The following CADM1 variants were observed in gnomAD, a reference collection of about 807,000 sequenced individuals.
The protein encoded by CADM1 is cell adhesion molecule 1.
A neutral mutation model predicts 53.1 loss-of-function variants in CADM1; 15 were observed. The observed-to-expected ratio is 0.28, with a 90% confidence interval of 0.19 to 0.44. The LOEUF is 0.44. Ranked by LOEUF, CADM1 falls within the 20% of genes least tolerant of loss-of-function variation. The pLI is 1.00. For missense variants in CADM1, 434 were observed against 611.3 expected, an observed-to-expected ratio of 0.71 and a Z score of 3.06; for synonymous variants, 281 against 243.0, an observed-to-expected ratio of 1.16 and a Z score of -1.45.
At chr11:115,280,604 A>G (rs146076366) in intron 1 of CADM1, among the ~76,000 whole-genome samples, 149 of 152,258 alleles carry the variant, frequency 9.8e-4, no homozygotes, top group African/African-American at 3.4e-3. Flanking sequence ...AAATTACAGC[A>G]CTCTGAATAC....
intron 1 of CADM1, among the ~76,000 whole-genome samples, chr11:115,419,561 G>T (rs1947701744): frequency 6.6e-6 from 1 of 152,028 alleles, no homozygotes; most frequent in African/African-American, 2.4e-5. Context: ...GTTTGCAAAA[G>T]TCTCCCAGTT....
At chr11:115,419,408 A>G (rs1947697642) in intron 1 of CADM1, among the ~76,000 whole-genome samples, 1 of 152,206 alleles carries the variant, frequency 6.6e-6, no homozygotes, top group Non-Finnish European at 1.5e-5. Context: ...TTCTTTAAAA[A>G]TCCAAAAAGT....
At chr11:115,339,116 A>G (rs931214579) in intron 1 of CADM1, among the ~76,000 whole-genome samples, 4 of 139,260 alleles carry the variant, frequency 2.9e-5, no homozygotes, top group African/African-American at 1.1e-4. Context: ...TCATTGTTCA[A>G]TTCCCACCTA....
intron 1 of CADM1, among the ~76,000 whole-genome samples, chr11:115,441,994 G>T (rs890896941): frequency 6.6e-6 from 1 of 151,894 alleles, no homozygotes; most frequent in Admixed American, 6.6e-5. Context: ...GATGCATTAC[G>T]ATCTGATCCC....
At chr11:115,243,978 A>G (rs996789835) in intron 1 of CADM1, among the ~76,000 whole-genome samples, 2 of 152,212 alleles carry the variant, frequency 1.3e-5, no homozygotes, top group African/African-American at 4.8e-5. Flanking sequence ...GCATTTATAG[A>G]CTAATCGGTG....
chr11:115,431,928 A>ATG (rs1464042872), intron 1 of CADM1, among the ~76,000 whole-genome samples: 22 of 150,706 alleles, frequency 1.5e-4, no homozygotes, highest in African/African-American at 5.1e-4. Context: ...ATATATATAT[A>ATG]AAACCATATA....
chr11:115,249,330 G>T (rs1591641365), intron 1 of CADM1, among the ~76,000 whole-genome samples: 1 of 152,162 alleles, frequency 6.6e-6, no homozygotes, highest in African/African-American at 2.4e-5. Context: ...TTCCACTGTT[G>T]ACAAGCATGG....
intron 1 of CADM1, among the ~76,000 whole-genome samples, chr11:115,406,420 A>G (rs1947313640): frequency 1.3e-5 from 2 of 151,382 alleles, no homozygotes; most frequent in African/African-American, 2.4e-5. Flanking sequence ...TTAAACTAAC[A>G]AAATCCCATT....
At chr11:115,495,967 T>C (rs1037724966) in intron 1 of CADM1, among the ~76,000 whole-genome samples, 1 of 152,162 alleles carries the variant, frequency 6.6e-6, no homozygotes, top group Non-Finnish European at 1.5e-5. Flanking sequence ...CCTTAAAAAG[T>C]CTTCCTACTT....
intron 7 of CADM1, among the ~76,000 whole-genome samples, chr11:115,210,435 G>T (rs1001509328): frequency 1.3e-5 from 2 of 152,060 alleles, no homozygotes; most frequent in African/African-American, 4.8e-5. Flanking sequence ...ACCTGATAGG[G>T]AACCCTCTGT....
At chr11:115,311,391 C>T (rs1176327793) in intron 1 of CADM1, among the ~76,000 whole-genome samples, 1 of 152,044 alleles carries the variant, frequency 6.6e-6, no homozygotes, top group African/African-American at 2.4e-5. Flanking sequence ...CGGGGATCAT[C>T]AGGGGTTCAG....
chr11:115,472,994 C>G (rs1949048961), intron 1 of CADM1, among the ~76,000 whole-genome samples: 1 of 152,240 alleles, frequency 6.6e-6, no homozygotes, highest in Admixed American at 6.5e-5. Context: ...CAACCAGAAG[C>G]AAAATAACTA....
chr11:115,319,933 G>A (rs1371637755), intron 1 of CADM1, among the ~76,000 whole-genome samples: 1 of 151,832 alleles, frequency 6.6e-6, no homozygotes, highest in Non-Finnish European at 1.5e-5. Context: ...TTCCTGTTGG[G>A]GCCTTATTTG....
chr11:115,268,628 C>T (rs1224605202), intron 1 of CADM1, among the ~76,000 whole-genome samples: 1 of 152,228 alleles, frequency 6.6e-6, no homozygotes, highest in East Asian at 1.9e-4. Flanking sequence ...GGGCCCAGCA[C>T]TGCCTCCATT....
intron 1 of CADM1, among the ~76,000 whole-genome samples, chr11:115,478,638 T>C (rs1949189780): frequency 6.6e-6 from 1 of 152,114 alleles, no homozygotes; most frequent in Non-Finnish European, 1.5e-5. Flanking sequence ...CAAAGTTAAC[T>C]CAGAAAGTAA....
intron 1 of CADM1, among the ~76,000 whole-genome samples, chr11:115,315,507 T>C (rs1475137464): frequency 2.0e-5 from 3 of 152,180 alleles, no homozygotes; most frequent in Non-Finnish European, 4.4e-5. Context: ...CAACTACTTA[T>C]ACAAACTCAG....
chr11:115,198,700 T>C lies in CADM1; in HGVS notation c.1079-262A>G, dbSNP rs758473278. Among the ~76,000 whole-genome samples, 51 of 152,188 alleles carry C rather than the reference T, an allele frequency of 3.4e-4. 1 individual carries two copies. The highest frequency in any genetic ancestry group is 1.3e-4 in the Non-Finnish European group (9 of 68,040). On this transcript the variant is annotated intron_variant, in intron 8 of 11. Coordinates refer to ENST00000331581, the MANE Select transcript of CADM1 (RefSeq NM_001301043.2). The stretch of plus-strand genomic sequence containing the variant: ...TCTGGGGGTCTTGCCAGGACACATA[T>C]ATTTGCTAGTCAATAGTCAGGTGGA...
intron 1 of CADM1, among the ~76,000 whole-genome samples, chr11:115,470,766 G>A (rs1667756188): frequency 6.6e-6 from 1 of 152,146 alleles, no homozygotes; most frequent in Non-Finnish European, 1.5e-5. Context: ...ACCTAATGTA[G>A]GACAGGGATT....
intron 1 of CADM1, among the ~76,000 whole-genome samples, chr11:115,500,452 A>C (rs1027517859): frequency 6.6e-6 from 1 of 152,234 alleles, no homozygotes; most frequent in African/African-American, 2.4e-5. Flanking sequence ...ATCATTTAGC[A>C]ATATAGGCCA....
Sources: allele counts gnomAD v4.1 joint callset (sites outside exome capture counted in the v4.1 genomes callset), GRCh38; gene constraint gnomAD v4.1.1; transcripts MANE v1.5; gene names NCBI Gene and HGNC (gene_info 2026-07-23, HGNC 2026-07-21).